ANGEL1: variants seen among roughly 807,000 people sequenced by gnomAD.
ANGEL1 encodes the protein angel homolog 1, also known as RNA 2',3'-cyclic phosphatase ANGEL1.
Under a neutral mutation model 76.4 loss-of-function variants are expected in ANGEL1, and 62 were observed. That is an observed-to-expected ratio of 0.81 (90% confidence interval 0.66 to 1.00). The LOEUF (loss-of-function observed/expected upper bound fraction) is 1.00. Ranked by LOEUF, ANGEL1 falls within the 50% of genes least tolerant of loss-of-function variation. The pLI is 0.00. For synonymous variants in ANGEL1, 340 were observed against 331.7 expected (o/e 1.03, Z -0.27); for missense variants, 737 against 836.7 (o/e 0.88, Z 1.47).
chr14:76,810,532 A>C (rs940558050), intron 1 of ANGEL1, among the ~76,000 whole-genome samples: 15 of 152,220 alleles, frequency 9.9e-5, no homozygotes, highest in African/African-American at 3.6e-4. Context: ...CTAATCTATT[A>C]ATGTATTCCA....
At chr14:76,802,108 G>A (rs1175259872) in intron 7 of ANGEL1, among the ~76,000 whole-genome samples, 1 of 152,112 alleles carries the variant, frequency 6.6e-6, no homozygotes, top group African/African-American at 2.4e-5. Context: ...GGAGGCAGAG[G>A]TTGTAGTGAG....
intron 7 of ANGEL1, among the ~76,000 whole-genome samples, chr14:76,799,245 A>G (rs544257905): frequency 1.4e-5 from 2 of 138,528 alleles, no homozygotes; most frequent in African/African-American, 5.4e-5. Flanking sequence ...GAACTCACAC[A>G]CTAAGATCTC....
chr14:76,789,628 C>T (rs1187748967), intron 9 of ANGEL1, among the ~76,000 whole-genome samples: 3 of 151,838 alleles, frequency 2.0e-5, no homozygotes, highest in Non-Finnish European at 4.4e-5. Flanking sequence ...CTGGAGAGCC[C>T]ACCATTATAA....
intron 7 of ANGEL1, among the ~76,000 whole-genome samples, chr14:76,798,773 C>A (rs1036103865): frequency 1.3e-5 from 2 of 151,896 alleles, no homozygotes; most frequent in African/African-American, 4.8e-5. Flanking sequence ...CGTGGTGAAA[C>A]CCCGTTTCTA....
At chr14:76,804,437 T>C (rs1006079099) in intron 5 of ANGEL1, 1 of 994,628 alleles carries the variant, frequency 1.0e-6, no homozygotes, top group Non-Finnish European at 1.2e-6. Flanking sequence ...CAAAACGTAG[T>C]AGGGGAAACA....
chr14:76,800,646 CTG>C (rs1349849025), intron 7 of ANGEL1, among the ~76,000 whole-genome samples: 1 of 152,160 alleles, frequency 6.6e-6, no homozygotes, highest in Non-Finnish European at 1.5e-5. Flanking sequence ...CCTTAATCCA[CTG>C]TCTTCTAGAG....
chr14:76,791,015 A>T (rs974580430), intron 8 of ANGEL1, among the ~76,000 whole-genome samples: 4 of 152,042 alleles, frequency 2.6e-5, no homozygotes, highest in Non-Finnish European at 5.9e-5. Flanking sequence ...GTTACCTGGT[A>T]AAGTATCCCC....
intron 7 of ANGEL1, among the ~76,000 whole-genome samples, chr14:76,794,987 T>G (rs1894535044): frequency 6.6e-6 from 1 of 152,192 alleles, no homozygotes; most frequent in South Asian, 2.1e-4. Flanking sequence ...TTTGCTATAT[T>G]TCTATTTTCT....
chr14:76,800,199 G>A (rs1292027263), intron 7 of ANGEL1, among the ~76,000 whole-genome samples: 7 of 152,162 alleles, frequency 4.6e-5, no homozygotes, highest in African/African-American at 1.4e-4. Context: ...GTACATCACT[G>A]ATTTAAATAA....
At chr14:76,808,427 T>A (rs1894985238) in intron 2 of ANGEL1, among the ~76,000 whole-genome samples, 1 of 151,416 alleles carries the variant, frequency 6.6e-6, no homozygotes, top group Non-Finnish European at 1.5e-5. Context: ...CTCTCATTTT[T>A]GATAAATCCA....
chr14:76,809,354 C>A lies in ANGEL1; in HGVS notation c.354G>T (p.Arg118=), dbSNP rs1049427478. The A allele has an allele frequency of 1.2e-6, 2 of 1,614,244 alleles. No individual in the cohort carries two copies. The highest frequency in any genetic ancestry group is 3.3e-4 in the Middle Eastern group (2 of 6,062). Residue 118 remains arginine, a synonymous_variant, in exon 2 of 10, where the codon CGG becomes CGT. Transcript: ENST00000251089. Reference sequence around the variant, plus strand: ...AAGGCTCATCCAGGTTCTCTGCAGCCCGAAGGTCACTCAGCTGCCTGCTGG... The same window carrying A: ...AAGGCTCATCCAGGTTCTCTGCAGCACGAAGGTCACTCAGCTGCCTGCTGG... ...RWSSRQLSDL[R]AAENLDEPFP...
intron 7 of ANGEL1, among the ~76,000 whole-genome samples, chr14:76,802,042 T>C (rs1894781562): frequency 6.6e-6 from 1 of 151,702 alleles, no homozygotes; most frequent in Non-Finnish European, 1.5e-5. Context: ...CGTGGCAGCA[T>C]GTGCCTGCAG....
In ANGEL1 at chr14:76,789,086, C is replaced by G. The variant is rs1052783850; in HGVS notation, c.*142G>C. On this transcript the variant is annotated 3_prime_UTR_variant, in exon 10 of 10. Coordinates refer to ENST00000251089, the MANE Select transcript of ANGEL1 (RefSeq NM_015305.4). ...CAGCCAGGCCTGGAGAAAGTCTAACCGTGGGAAAAAGGGAACGAGGAGGGG... is the reference window on the plus strand; with the variant it reads ...CAGCCAGGCCTGGAGAAAGTCTAACGGTGGGAAAAAGGGAACGAGGAGGGG... 3.4e-6 allele frequency: 4 copies of G among 1,171,360 alleles called. No individual in the cohort carries two copies. Among genetic ancestry groups the G allele is most frequent in the Non-Finnish European group, 3.6e-6 (3 of 830,568 alleles). The allele number at this position is 1,171,360 out of a possible 1,614,324, so 72.6% of individuals were successfully genotyped here. A position where few individuals can be genotyped will look rare whatever the true frequency, so the allele number is the denominator to read the frequency against.
In ANGEL1 at chr14:76,808,141, C is replaced by T; in HGVS notation, c.657G>A (p.Leu219=). The T allele has an allele frequency of 1.2e-6, 2 of 1,613,450 alleles. No individual in the cohort carries two copies. Among genetic ancestry groups the T allele is most frequent in the African/African-American group, 1.3e-5 (1 of 75,022 alleles). Residue 219 remains leucine, a synonymous_variant, in exon 3 of 10, where the codon TTG becomes TTA. Coordinates refer to ENST00000251089, the MANE Select transcript of ANGEL1 (RefSeq NM_015305.4). ...PAVEIPYHEI[L]WREWEDFSTQ... ...TGGAGAAATCCTCCCATTCTCGCCA[C>T]AAAATTTCTGCAAAGGATTGGGAGA...
chr14:76,791,202 T>C (rs1894395531), intron 8 of ANGEL1, 95 bp downstream of exon 8: 15 of 1,327,366 alleles, frequency 1.1e-5, no homozygotes, highest in Non-Finnish European at 1.6e-5. Context: ...CAAAAAGTGC[T>C]CCCCCAAGTC....
chr14:76,810,816 C>G (rs1235152105), intron 1 of ANGEL1, among the ~76,000 whole-genome samples: 1 of 152,192 alleles, frequency 6.6e-6, no homozygotes, highest in Non-Finnish European at 1.5e-5. Flanking sequence ...TTAGAGCCCC[C>G]AAACTCTGAG....
Position 76,803,868 on chromosome 14 carries a change from C to T in ANGEL1, c.1425G>A (p.Lys475=). ...AGCTGGGCCACAGTGGGGCCTGCAG[C>T]TTCCTCTGGTAAAGCTGATGGGAGA... The part of the protein sequence containing the change: ...EDFSHQLYQR[K]LQAPLWPSSL... Residue 475 remains lysine (K), a synonymous_variant, in exon 6 of 10, where the codon AAG becomes AAA. Coordinates refer to ENST00000251089, the MANE Select transcript of ANGEL1 (RefSeq NM_015305.4). 1 of 1,614,170 alleles carries T rather than the reference C, an allele frequency of 6.2e-7. No homozygotes were observed. The highest frequency in any genetic ancestry group is 8.5e-7 in the Non-Finnish European group (1 of 1,180,038).
intron 7 of ANGEL1, among the ~76,000 whole-genome samples, chr14:76,794,459 CAGG>C (rs992672564): frequency 2.6e-5 from 4 of 152,042 alleles, no homozygotes; most frequent in Admixed American, 1.3e-4. Context: ...ATCATGAGGT[CAGG>C]AGATCGAGAC....
chr14:76,812,683 C>A lies in ANGEL1; in HGVS notation c.64+81G>T, dbSNP rs550200732. ...ACGGTAGTCGTGAGGCCCGGCCAAC[C>A]GCACGCCGCCCCAGGCCCGCGGAGC... is the stretch of plus-strand genomic sequence containing the variant. On this transcript the variant is annotated intron_variant, in intron 1 of 9. Transcript: ENST00000251089. 2.3e-5 allele frequency: 33 copies of A among 1,414,056 alleles called. No individual in the cohort carries two copies. The South Asian group carries it at 3.2e-4, about 14-fold the overall frequency. The allele number at this position is 1,414,056 out of a possible 1,614,324, so 87.6% of individuals were successfully genotyped here.
Sources: allele counts gnomAD v4.1 joint callset (sites outside exome capture counted in the v4.1 genomes callset), GRCh38; gene constraint gnomAD v4.1.1; transcripts MANE v1.5; gene names NCBI Gene and HGNC (gene_info 2026-07-23, HGNC 2026-07-21).